The following NCKAP1L variants were observed in gnomAD, a reference collection of about 807,000 sequenced individuals.
NCKAP1L encodes the protein nck-associated protein 1-like.
A neutral mutation model predicts 139.2 loss-of-function variants in NCKAP1L; 53 were observed. That is an observed-to-expected ratio of 0.38 (90% CI 0.31 to 0.48). The LOEUF is 0.48. NCKAP1L is among the 20% of genes least tolerant of loss of function. NCKAP1L has a pLI of 0.98. For missense variants in NCKAP1L, 1,151 were observed against 1,381.9 expected, an observed-to-expected ratio of 0.83 and a Z score of 2.65; for synonymous variants, 468 against 499.7, an observed-to-expected ratio of 0.94 and a Z score of 0.85.
chr12:54,537,076 G>T, intron 29 of NCKAP1L, 23 bp downstream of exon 29: 2 of 1,487,934 alleles, frequency 1.3e-6, no homozygotes, highest in South Asian at 1.1e-5. Flanking sequence ...AGGTTATAAA[G>T]AATGGAAGAT....
chr12:54,503,488 C>A (rs1370672911), intron 3 of NCKAP1L, among the ~76,000 whole-genome samples: 1 of 151,884 alleles, frequency 6.6e-6, no homozygotes, highest in African/African-American at 2.4e-5. Context: ...TACTCCATTG[C>A]ATTATTTATG....
At chr12:54,527,046 T>C (rs1957032458) in intron 21 of NCKAP1L, among the ~76,000 whole-genome samples, 1 of 152,222 alleles carries the variant, frequency 6.6e-6, no homozygotes, top group Non-Finnish European at 1.5e-5. Context: ...ACTGTTTCAA[T>C]TTCAAATGAT....
At chr12:54,524,743 A>C (rs1957013863) in intron 20 of NCKAP1L, among the ~76,000 whole-genome samples, 1 of 152,158 alleles carries the variant, frequency 6.6e-6, no homozygotes, top group African/African-American at 2.4e-5. Context: ...TAAACAAAAT[A>C]AGAAAGCAGA....
rs1293931660 is a variant in NCKAP1L at position 54,547,763 on chromosome 12, C to T, written c.*5078C>T. 2 of 152,112 alleles carry T rather than the reference C, an allele frequency of 1.3e-5. No individual in the cohort carries two copies. Among genetic ancestry groups the T allele is most frequent in the African/African-American group, 2.4e-5 (1 of 41,404 alleles). The allele number at this position is 152,112 out of a possible 1,614,324, so 9.4% of individuals were successfully genotyped here. A position where few individuals can be genotyped will look rare whatever the true frequency, so the allele number is the denominator to read the frequency against. ...TTGCAATTCTTTTGTAGTTTCCAGC[C>T]CATTTCATTTTCAGTTGATAAGGAG... is the stretch of plus-strand genomic sequence containing the variant. On this transcript the variant is annotated 3_prime_UTR_variant, in exon 31 of 31. Transcript: ENST00000293373.
intron 9 of NCKAP1L, 48 bp downstream of exon 9, chr12:54,512,153 C>T: frequency 6.3e-7 from 1 of 1,589,002 alleles, no homozygotes; most frequent in South Asian, 1.1e-5. Flanking sequence ...AGTTTTTAGC[C>T]CCTCCAATAT....
At chr12:54,539,001 G>A (rs972632321) in intron 30 of NCKAP1L, 28 bp downstream of exon 30, 7 of 1,594,818 alleles carry the variant, frequency 4.4e-6, no homozygotes, top group Non-Finnish European at 6.0e-6. Context: ...ATTGGTGTGA[G>A]AATAGGGAAT....
intron 9 of NCKAP1L, among the ~76,000 whole-genome samples, chr12:54,514,782 C>T (rs1326528902): frequency 6.6e-6 from 1 of 152,136 alleles, no homozygotes; most frequent in Non-Finnish European, 1.5e-5. Context: ...CTCTCAACAA[C>T]TAAGTATTGT....
At chr12:54,532,087 C>CTTTT (rs35753004) in intron 25 of NCKAP1L, 83 bp from the exon 26 acceptor site, 5 of 878,564 alleles carry the variant, frequency 5.7e-6, no homozygotes, top group Non-Finnish European at 6.7e-6. Flanking sequence ...AGTGCCCCTC[C>CTTTT]TTTTTTTTTT....
In NCKAP1L at chr12:54,517,680, T is replaced by G. The variant is rs1267071681; in HGVS notation, c.1205+38T>G. ...CATGGCTAAGAACCTTGTCCTTAGATGGACTGGGGACAGGGAGGCATCAGA... is the reference window on the plus strand; with the variant it reads ...CATGGCTAAGAACCTTGTCCTTAGAGGGACTGGGGACAGGGAGGCATCAGA... On this transcript the variant is annotated intron_variant, in intron 12 of 30. Transcript: ENST00000293373. 2.5e-6 allele frequency: 4 copies of G among 1,580,836 alleles called. No homozygotes were observed. The East Asian group carries it at 8.9e-5, about 35-fold the overall frequency.
Position 54,542,674 on chromosome 12 carries a change from C to T in NCKAP1L, c.3373C>T (p.His1125Tyr). The part of the protein sequence containing the change: ...NAYREVSRAF[H>Y]LN ...CTATCGGGAGGTGTCTCGGGCCTTC[C>T]ACCTAAACTGAATGCCTGCCAGTAC... is the stretch of plus-strand genomic sequence containing the variant. The change falls in exon 31 of 31, where the codon CAC (histidine) becomes TAC (tyrosine). Residue 1125 changes from histidine to tyrosine, a missense_variant. By Grantham distance (83) the His-to-Tyr change is moderately conservative. Coordinates refer to ENST00000293373, the MANE Select transcript of NCKAP1L (RefSeq NM_005337.5). The T allele has an allele frequency of 6.2e-7, 1 of 1,611,414 alleles. No homozygotes were observed.
Position 54,532,234 on chromosome 12 carries a change from C to T in NCKAP1L, c.2846C>T (p.Pro949Leu). ...PIECLKEFVT[P>L]DTDIKVTLSI... Reference sequence around the variant, plus strand: ...GAGTGCTTGAAGGAGTTTGTCACTCCAGACACAGACATCAAGGTATGGAGG... The same window carrying T: ...GAGTGCTTGAAGGAGTTTGTCACTCTAGACACAGACATCAAGGTATGGAGG... The change falls in exon 26 of 31, where the codon CCA (proline) becomes CTA (leucine). Residue 949 changes from proline (P) to leucine (L), a missense_variant. By Grantham distance (98) the Pro-to-Leu change is moderately conservative. Coordinates refer to ENST00000293373, the MANE Select transcript of NCKAP1L (RefSeq NM_005337.5). 1 of 1,613,182 alleles carries T rather than the reference C, an allele frequency of 6.2e-7. No homozygotes were observed. Among genetic ancestry groups the T allele is most frequent in the Non-Finnish European group, 8.5e-7 (1 of 1,179,478 alleles).
intron 26 of NCKAP1L, among the ~76,000 whole-genome samples, chr12:54,533,172 G>A (rs986976057): frequency 2.6e-5 from 4 of 152,166 alleles, no homozygotes; most frequent in African/African-American, 9.7e-5. Context: ...ATTTTAAGCT[G>A]AGCCTGGGTT....
intron 9 of NCKAP1L, among the ~76,000 whole-genome samples, chr12:54,514,206 C>T (rs1240380337): frequency 6.6e-6 from 1 of 152,096 alleles, no homozygotes; most frequent in African/African-American, 2.4e-5. Context: ...AGTTTATTTA[C>T]AAAATCCTCT....
In NCKAP1L at chr12:54,548,079, T is replaced by A. The variant is rs929972453; in HGVS notation, c.*5394T>A. On this transcript the variant is annotated 3_prime_UTR_variant, in exon 31 of 31. Coordinates refer to ENST00000293373, the MANE Select transcript of NCKAP1L (RefSeq NM_005337.5). ...TGTTAGGAGTCTTAGCTGTGACAGT[T>A]CATCCGCTTCTTCGCCCTTCCATTT... 1.3e-5 allele frequency: 2 copies of A among 152,292 alleles called. No homozygotes were observed. The highest frequency in any genetic ancestry group is 4.8e-5 in the African/African-American group (2 of 41,472). 9.4% of individuals were successfully genotyped at this position (152,292 alleles called of 1,614,324 possible).
chr12:54,513,386 G>A (rs770050528), intron 9 of NCKAP1L, among the ~76,000 whole-genome samples: 3 of 152,218 alleles, frequency 2.0e-5, no homozygotes, highest in Non-Finnish European at 4.4e-5. Context: ...TGGAACTTGG[G>A]AGTGAGGTCT....
At chr12:54,522,449 G>T (rs1449424177) in intron 18 of NCKAP1L, among the ~76,000 whole-genome samples, 1 of 152,236 alleles carries the variant, frequency 6.6e-6, no homozygotes, top group Non-Finnish European at 1.5e-5. Context: ...AACCAAATGA[G>T]TATAGGCTTT....
chr12:54,516,846 G>T, intron 10 of NCKAP1L, 50 bp from the exon 11 acceptor site: 3 of 1,528,106 alleles, frequency 2.0e-6, no homozygotes, highest in Non-Finnish European at 2.7e-6. Context: ...CCTGTGGAGG[G>T]TTTTTAAGGG....
At position 54,501,836 on chromosome 12, in the gene NCKAP1L, A is replaced by G. The variant is rs779554471; in HGVS notation, c.306+1211A>G. ...CTATACTGTTTTCCACAGTGGCTGT[A>G]CTCTTTTACATTCTCACCAACGGTG... is the stretch of plus-strand genomic sequence containing the variant. On this transcript the variant is annotated intron_variant, in intron 3 of 30. Coordinates refer to ENST00000293373, the MANE Select transcript of NCKAP1L (RefSeq NM_005337.5). 4.7e-4 allele frequency among the ~76,000 whole-genome samples: 71 copies of G among 152,028 alleles called. 2 individuals carry two copies. The highest frequency in any genetic ancestry group is 1.2e-4 in the Non-Finnish European group (8 of 68,008).
At chr12:54,536,842 C>G in intron 28 of NCKAP1L, 102 bp from the exon 29 acceptor site, 1 of 724,786 alleles carries the variant, frequency 1.4e-6, no homozygotes. Flanking sequence ...ATACTGGTGG[C>G]TCAGCCTGAA....
Sources: allele counts gnomAD v4.1 joint callset (sites outside exome capture counted in the v4.1 genomes callset), GRCh38; gene constraint gnomAD v4.1.1; transcripts MANE v1.5; gene names NCBI Gene and HGNC (gene_info 2026-07-23, HGNC 2026-07-21).